The following SUMF1 variants were observed in gnomAD, a reference collection of about 807,000 sequenced individuals.
The protein encoded by SUMF1 is formylglycine-generating enzyme.
Under a neutral mutation model 47.6 loss-of-function variants are expected in SUMF1, and 48 were observed. The ratio of observed to expected loss-of-function variants is 1.01; its 90% confidence interval spans 0.80 to 1.28. The LOEUF (loss-of-function observed/expected upper bound fraction) is 1.28, where lower values mean the gene tolerates loss of function less well. SUMF1 is among the 50% of genes most tolerant of loss of function. SUMF1 has a pLI of 0.00. For synonymous variants in SUMF1, 230 were observed against 192.1 expected, an observed-to-expected ratio of 1.20 and a Z score of -1.63; for missense variants, 571 against 485.4, an observed-to-expected ratio of 1.18 and a Z score of -1.66.
chr3:4,294,895 A>C (rs1217763113), intron 8 of SUMF1, among the ~76,000 whole-genome samples: 1 of 152,162 alleles, frequency 6.6e-6, no homozygotes, highest in Non-Finnish European at 1.5e-5. Context: ...TGAGGAGAGT[A>C]AAAAGGAGTT....
chr3:4,144,247 A>C (rs561821925), intron 8 of SUMF1, among the ~76,000 whole-genome samples: 1 of 152,182 alleles, frequency 6.6e-6, no homozygotes, highest in African/African-American at 2.4e-5. Flanking sequence ...AATTATAGGC[A>C]TGAGCCATAG....
At chr3:4,340,939 A>AT (rs1553559728) in intron 8 of SUMF1, among the ~76,000 whole-genome samples, 15 of 151,238 alleles carry the variant, frequency 9.9e-5, no homozygotes, top group African/African-American at 2.7e-4. Context: ...TAATTGCTTC[A>AT]ATTTTTTTTC....
rs533632219 is a variant in SUMF1 at position 4,316,640 on chromosome 3, C to T, written c.1014+59690G>A. The T allele has an allele frequency of 3.1e-5, 48 of 1,551,204 alleles. No individual in the cohort carries two copies. In the African/African-American group the frequency reaches 5.6e-4, roughly 18 times the overall value. ...TGTCATCTTCTCTTATTCTACGCAA[C>T]CACAACGAACCATTTCTCGATCGGA... is the stretch of plus-strand genomic sequence containing the variant. On this transcript the variant is annotated intron_variant and NMD_transcript_variant, in intron 8 of 12. Transcript: ENST00000448413.
At chr3:4,220,989 T>C (rs1222498098) in intron 8 of SUMF1, among the ~76,000 whole-genome samples, 1 of 152,154 alleles carries the variant, frequency 6.6e-6, no homozygotes, top group Non-Finnish European at 1.5e-5. Context: ...CTTAGCTACT[T>C]AACTGTCTGC....
intron 7 of SUMF1, among the ~76,000 whole-genome samples, chr3:4,388,994 G>A (rs1334959835): frequency 6.6e-6 from 1 of 152,068 alleles, no homozygotes; most frequent in African/African-American, 2.4e-5. Flanking sequence ...ATAAAATTTA[G>A]AAAACTCCAC....
At chr3:4,339,751 T>G (rs62259853) in intron 8 of SUMF1, among the ~76,000 whole-genome samples, 2,872 of 152,246 alleles carry the variant, frequency 0.019, 40 homozygotes, top group South Asian at 0.033. Context: ...CCCACATTTT[T>G]GCACCCATCC....
At chr3:4,321,429 G>A (rs909643521) in intron 8 of SUMF1, among the ~76,000 whole-genome samples, 1 of 135,824 alleles carries the variant, frequency 7.4e-6, no homozygotes, top group African/African-American at 2.8e-5. Context: ...TCAACAAGCT[G>A]AGACTGGAGC....
intron 8 of SUMF1, among the ~76,000 whole-genome samples, chr3:4,266,534 T>C (rs896442839): frequency 6.6e-6 from 1 of 152,172 alleles, no homozygotes; most frequent in African/African-American, 2.4e-5. Flanking sequence ...GTTTGTCTTA[T>C]TGGTGTATAA....
At chr3:4,103,074 C>G (rs1693073721) in intron 8 of SUMF1, among the ~76,000 whole-genome samples, 1 of 151,598 alleles carries the variant, frequency 6.6e-6, no homozygotes, top group South Asian at 2.1e-4. Flanking sequence ...AGGTGCCTGC[C>G]ACCACATCTG....
intron 3 of SUMF1, among the ~76,000 whole-genome samples, chr3:4,443,489 C>T (rs771113029): frequency 3.9e-4 from 60 of 152,190 alleles, no homozygotes; most frequent in Non-Finnish European, 7.1e-4. Flanking sequence ...AGAGGCCAGG[C>T]ATGGTGGCTG....
intron 8 of SUMF1, among the ~76,000 whole-genome samples, chr3:4,216,517 C>T (rs1323563806): frequency 9.2e-5 from 14 of 152,180 alleles, no homozygotes; most frequent in South Asian, 4.2e-4. Context: ...AAAGCAATGG[C>T]GACAAAAGCC....
Position 4,293,580 on chromosome 3 carries a change from T to A in SUMF1, c.1014+82750A>T, listed in dbSNP as rs551824742. The stretch of plus-strand genomic sequence containing the variant: ...TATGCAACAGATTTCTATTATTCAG[T>A]TCCCTCACTCAGGTAACTCACAATT... On this transcript the variant is annotated intron_variant and NMD_transcript_variant, in intron 8 of 12. Transcript: ENST00000448413. Among the ~76,000 whole-genome samples the A allele has an allele frequency of 3.3e-5, 5 of 152,352 alleles. No homozygotes were observed. In the South Asian group the frequency reaches 1.0e-3, roughly 32 times the overall value.
intron 8 of SUMF1, among the ~76,000 whole-genome samples, chr3:4,272,986 G>A (rs920304805): frequency 7.9e-5 from 12 of 151,886 alleles, no homozygotes; most frequent in Non-Finnish European, 1.8e-4. Flanking sequence ...AAGGCAGGAG[G>A]AATTCGAGGC....
intron 6 of SUMF1, among the ~76,000 whole-genome samples, chr3:4,411,541 A>T (rs941057424): frequency 6.6e-6 from 1 of 152,158 alleles, no homozygotes; most frequent in African/African-American, 2.4e-5. Context: ...TGTATTGGTA[A>T]TACAGGGTTT....
At chr3:4,394,904 T>G (rs1360983669) in intron 7 of SUMF1, among the ~76,000 whole-genome samples, 1 of 152,186 alleles carries the variant, frequency 6.6e-6, no homozygotes, top group Non-Finnish European at 1.5e-5. Flanking sequence ...CACATCTTCC[T>G]CCTAAAAGAA....
chr3:4,408,948 C>A (rs765204418), intron 7 of SUMF1, among the ~76,000 whole-genome samples: 1 of 151,350 alleles, frequency 6.6e-6, no homozygotes, highest in Admixed American at 6.6e-5. Flanking sequence ...AGGGATAGAG[C>A]GAGACTCTCT....
downstream of SUMF1, among the ~76,000 whole-genome samples, chr3:4,359,719 A>G (rs920440423): frequency 2.6e-5 from 4 of 152,142 alleles, no homozygotes; most frequent in African/African-American, 9.7e-5. Flanking sequence ...TATCACAAGA[A>G]GAGCATGGGG....
At chr3:4,193,664 T>G (rs371244268) in intron 8 of SUMF1, among the ~76,000 whole-genome samples, 10 of 152,280 alleles carry the variant, frequency 6.6e-5, no homozygotes, top group African/African-American at 2.2e-4. Flanking sequence ...ATGCAGTTAC[T>G]ATTCATACCC....
intron 8 of SUMF1, among the ~76,000 whole-genome samples, chr3:4,163,125 A>G (rs2125115601): frequency 6.6e-6 from 1 of 151,458 alleles, no homozygotes; most frequent in East Asian, 2.0e-4. Flanking sequence ...CAGCCTGAAA[A>G]AAAAAATCAC....
Sources: allele counts gnomAD v4.1 joint callset (sites outside exome capture counted in the v4.1 genomes callset), GRCh38; gene constraint gnomAD v4.1.1; transcripts MANE v1.5; gene names NCBI Gene and HGNC (gene_info 2026-07-23, HGNC 2026-07-21).